Variants in SPOCK3 observed in about 807,000 individuals in gnomAD.
The protein encoded by SPOCK3 is SPARC (osteonectin), cwcv and kazal like domains proteoglycan 3.
In SPOCK3, 30 loss-of-function variants were observed where a neutral mutation model predicts 56.6. The ratio of observed to expected loss-of-function variants is 0.53; its 90% CI spans 0.40 to 0.72. The LOEUF (loss-of-function observed/expected upper bound fraction) is 0.72. SPOCK3 is among the 30% of genes least tolerant of loss of function. SPOCK3 has a pLI of 0.00. For synonymous variants in SPOCK3, 196 were observed against 183.3 expected, an observed-to-expected ratio of 1.07 and a Z score of -0.56; for missense variants, 527 against 530.0, an observed-to-expected ratio of 0.99 and a Z score of 0.06.
At position 166,889,384 on chromosome 4, in the gene SPOCK3, A is replaced by G. The variant is rs552173792; in HGVS notation, c.475-140T>C. On this transcript the variant is annotated intron_variant, in intron 5 of 10. Transcript: ENST00000357545. ...ACCAGGTAATACGTCTCCAATACTA[A>G]AGTGCAATATTACACACTTATGTAG... 6.7e-6 allele frequency: 4 copies of G among 597,650 alleles called. No homozygotes were observed. The South Asian group carries it at 8.4e-5, about 13-fold the overall frequency. The allele number at this position is 597,650 out of a possible 1,614,324, so 37.0% of individuals were successfully genotyped here.
At chr4:167,108,706 A>G (rs2150339462) in intron 2 of SPOCK3, among the ~76,000 whole-genome samples, 1 of 151,558 alleles carries the variant, frequency 6.6e-6, no homozygotes, top group African/African-American at 2.4e-5. Context: ...ATGGGTAAAA[A>G]CAGTAGTTAG....
rs150003005 is a variant in SPOCK3 at position 166,894,754 on chromosome 4, C to G, written c.475-5510G>C. On this transcript the variant is annotated intron_variant, in intron 5 of 10. Transcript: ENST00000357545. ...TAACAAAACCATACCTAACCCTTAC[C>G]TTACTAAACCCATTCTCTCAGATGT... 6.3e-3 allele frequency among the ~76,000 whole-genome samples: 966 copies of G among 152,254 alleles called. 10 individuals carry two copies. Among genetic ancestry groups the G allele is most frequent in the African/African-American group, 0.022 (908 of 41,570 alleles).
At chr4:166,873,997 T>C (rs554309146) in intron 6 of SPOCK3, among the ~76,000 whole-genome samples, 55 of 152,270 alleles carry the variant, frequency 3.6e-4, no homozygotes, top group African/African-American at 1.3e-3. Flanking sequence ...TTGTAGTAGC[T>C]TTTGTCCCAG....
intron 2 of SPOCK3, among the ~76,000 whole-genome samples, chr4:167,231,925 A>G (rs1737214536): frequency 6.6e-6 from 1 of 152,158 alleles, no homozygotes; most frequent in South Asian, 2.1e-4. Flanking sequence ...TTTCAAATAA[A>G]TCAATATTTA....
At chr4:166,912,552 T>A (rs1282402743) in intron 5 of SPOCK3, 68 bp downstream of exon 5, 1 of 1,416,804 alleles carries the variant, frequency 7.1e-7, no homozygotes, top group Non-Finnish European at 9.9e-7. Flanking sequence ...GGATAAGCAA[T>A]GGTTTTAATC....
intron 2 of SPOCK3, among the ~76,000 whole-genome samples, chr4:167,168,879 C>T (rs962672513): frequency 6.6e-6 from 1 of 152,102 alleles, no homozygotes; most frequent in African/African-American, 2.4e-5. Flanking sequence ...AGCCCTGCTT[C>T]TATGTGTAGC....
intron 2 of SPOCK3, among the ~76,000 whole-genome samples, chr4:167,090,483 A>G (rs1438569842): frequency 1.3e-5 from 2 of 151,852 alleles, no homozygotes; most frequent in Admixed American, 6.6e-5. Context: ...TTAATTTCTG[A>G]GGCAACAGTA....
intron 2 of SPOCK3, among the ~76,000 whole-genome samples, chr4:167,224,958 C>T (rs1424108016): frequency 2.0e-5 from 3 of 152,262 alleles, no homozygotes; most frequent in Admixed American, 2.0e-4. Flanking sequence ...AGCCACCACA[C>T]CCATCCAAAA....
rs971398078 is a variant in SPOCK3 at position 166,734,851 on chromosome 4, T to C, written c.*70A>G. ...ATCATTTTGTTATTGGGGAAGAAGA[T>C]AATTTTAAATAGGCTATCATTTTTG... On this transcript the variant is annotated 3_prime_UTR_variant, in exon 11 of 11. Transcript: ENST00000357545. The C allele has an allele frequency of 1.6e-6, 2 of 1,217,824 alleles. No homozygotes were observed. The highest frequency in any genetic ancestry group is 1.8e-5 in the South Asian group (1 of 54,602). 75.4% of individuals were successfully genotyped at this position (1,217,824 alleles called of 1,614,324 possible). A position where few individuals can be genotyped will look rare whatever the true frequency, so the allele number is the denominator to read the frequency against.
At chr4:166,925,766 C>G (rs551033617) in intron 4 of SPOCK3, among the ~76,000 whole-genome samples, 56 of 151,870 alleles carry the variant, frequency 3.7e-4, no homozygotes, top group African/African-American at 1.3e-3. Flanking sequence ...ATTTTAAAAG[C>G]AAAAATACAA....
chr4:166,909,025 T>C (rs1446478915), intron 5 of SPOCK3, among the ~76,000 whole-genome samples: 3 of 152,182 alleles, frequency 2.0e-5, no homozygotes, highest in African/African-American at 7.2e-5. Context: ...AAAAGAAAGA[T>C]TAAATAGGCT....
At chr4:166,841,910 T>C (rs1747405967) in intron 6 of SPOCK3, among the ~76,000 whole-genome samples, 1 of 152,230 alleles carries the variant, frequency 6.6e-6, no homozygotes, top group Non-Finnish European at 1.5e-5. Context: ...TTACAGTTTT[T>C]AAAGATGGTG....
intron 4 of SPOCK3, among the ~76,000 whole-genome samples, chr4:166,927,683 T>TA (rs1739273771): frequency 6.6e-6 from 1 of 152,144 alleles, no homozygotes; most frequent in Non-Finnish European, 1.5e-5. Context: ...TTTTTTTAGA[T>TA]ACAACGCAAG....
chr4:166,827,898 T>C (rs1745648097), intron 6 of SPOCK3, among the ~76,000 whole-genome samples: 1 of 151,658 alleles, frequency 6.6e-6, no homozygotes. Flanking sequence ...TATGAGGACA[T>C]ATGCTAAATA....
chr4:166,749,456 G>T (rs542171440), intron 8 of SPOCK3, among the ~76,000 whole-genome samples: 6 of 151,958 alleles, frequency 3.9e-5, no homozygotes, highest in Admixed American at 6.6e-5. Flanking sequence ...TTGGACACAG[G>T]GTTGGGAACT....
chr4:166,990,806 T>A (rs1003210780), intron 4 of SPOCK3, among the ~76,000 whole-genome samples: 5 of 152,018 alleles, frequency 3.3e-5, no homozygotes, highest in Non-Finnish European at 7.4e-5. Flanking sequence ...TCACTGGAAA[T>A]CACATTATTA....
chr4:167,224,792 G>A (rs1011563727), intron 2 of SPOCK3, among the ~76,000 whole-genome samples: 4 of 150,240 alleles, frequency 2.7e-5, no homozygotes, highest in South Asian at 2.1e-4. Flanking sequence ...CCCGAGTAGC[G>A]AGTAGCTGGG....
chr4:166,767,644 G>A (rs557210228), intron 7 of SPOCK3, among the ~76,000 whole-genome samples: 3 of 152,198 alleles, frequency 2.0e-5, no homozygotes, highest in Admixed American at 2.0e-4. Flanking sequence ...GCCATGTGGT[G>A]CTGAGAAGAA....
At chr4:166,964,383 G>A (rs778196792) in intron 4 of SPOCK3, among the ~76,000 whole-genome samples, 36 of 151,686 alleles carry the variant, frequency 2.4e-4, no homozygotes, top group Non-Finnish European at 4.9e-4. Context: ...ATATTTTACA[G>A]TATTCTCCTA....
Sources: gnomAD v4.1 joint callset for allele counts (sites outside exome capture counted in the v4.1 genomes callset) on GRCh38, gnomAD v4.1.1 for gene constraint, MANE v1.5 for transcripts, NCBI Gene and HGNC (gene_info 2026-07-23, HGNC 2026-07-21) for gene names.